Variants in PLEC observed in about 807,000 individuals in gnomAD.
PLEC encodes the protein plectin, also known as hemidesmosomal protein 1.
Under a neutral mutation model 392.8 loss-of-function variants are expected in PLEC, and 216 were observed. That is an observed-to-expected ratio of 0.55 (90% CI 0.49 to 0.62). The LOEUF (loss-of-function observed/expected upper bound fraction) is 0.62, where lower values mean the gene tolerates loss of function less well. Ranked by LOEUF, PLEC falls within the 20% of genes least tolerant of loss-of-function variation. PLEC has a pLI of 0.00. For synonymous variants in PLEC, 3,621 were observed against 2,980.6 expected, an observed-to-expected ratio of 1.21 and a Z score of -7.00; for missense variants, 6,863 against 6,563.4, an observed-to-expected ratio of 1.05 and a Z score of -1.58.
At position 143,969,719 on chromosome 8, in the gene PLEC, T is replaced by C. The variant is rs1486736974; in HGVS notation, c.70+3684A>G. ...CAGGGCATGAGTGCAGGCCGGGGAG[T>C]GGGGAGTGGGGCCAGCCGGGGGCCT... On this transcript the variant is annotated intron_variant, in intron 1 of 31. Transcript: ENST00000356346. This position sits in a 1 kb window ranked among gnomAD's most constrained non-coding sequence, Gnocchi z 5.1. Among the ~76,000 whole-genome samples, 5 of 141,130 alleles carry C rather than the reference T, an allele frequency of 3.5e-5. No homozygotes were observed. The highest frequency in any genetic ancestry group is 7.7e-5 in the Non-Finnish European group (5 of 64,820). 92.6% of individuals were successfully genotyped at this position (141,130 alleles called of 152,430 possible).
upstream of PLEC, chr8:143,953,882 A>G (rs1203206773): frequency 5.2e-6 from 8 of 1,529,382 alleles, no homozygotes; most frequent in South Asian, 9.9e-5. Flanking sequence ...GGTCCGGGGC[A>G]GGGCTTGCCG....
At position 143,918,696 on chromosome 8, in the gene PLEC, C is replaced by T; in HGVS notation, c.11125G>A (p.Ala3709Thr). 1 of 1,612,942 alleles carries T rather than the reference C, an allele frequency of 6.2e-7. No individual in the cohort carries two copies. Among genetic ancestry groups the T allele is most frequent in the Non-Finnish European group, 8.5e-7 (1 of 1,179,984 alleles). ...GSRQTLSIYQ[A>T]LKKGLLSAEV... ...GCACTCAGCAGCCCTTTCTTGAGAG[C>T]CTGGTAGATGCTCAGTGTCTGCCTG... The change falls in exon 32 of 32, where the codon GCT (alanine) becomes ACT (threonine). Residue 3709 changes from alanine (A) to threonine (T), a missense_variant. Coordinates refer to ENST00000345136, the MANE Select transcript of PLEC (RefSeq NM_201384.3).
upstream of PLEC, chr8:143,944,022 G>A: frequency 7.1e-7 from 1 of 1,402,358 alleles, no homozygotes; most frequent in Non-Finnish European, 9.6e-7. Flanking sequence ...CTGCCCGCAG[G>A]ACCGCCCCAT....
upstream of PLEC, chr8:143,943,668 C>G: frequency 9.6e-7 from 1 of 1,042,962 alleles, no homozygotes; most frequent in Non-Finnish European, 1.4e-6. Flanking sequence ...ACTGCTTTCA[C>G]TGACATTCAG....
rs782094803 is a variant in PLEC at position 143,932,616 on chromosome 8, T to G, written c.1815+19A>C. 1 of 1,610,832 alleles carries G rather than the reference T, an allele frequency of 6.2e-7. No individual in the cohort carries two copies. The highest frequency in any genetic ancestry group is 8.5e-7 in the Non-Finnish European group (1 of 1,179,164). ...CCGCGGGCTACCCACCTCCCCCGGCTGGCCCTGCCCCCACTCACCAGCAGC... is the reference window on the plus strand; with the variant it reads ...CCGCGGGCTACCCACCTCCCCCGGCGGGCCCTGCCCCCACTCACCAGCAGC... On this transcript the variant is annotated intron_variant, in intron 15 of 31. Transcript: ENST00000345136.
At chr8:143,958,352 G>C (rs1456894811), upstream of PLEC, among the ~76,000 whole-genome samples, 4 of 152,104 alleles carry the variant, frequency 2.6e-5, no homozygotes, top group African/African-American at 9.7e-5. This position sits in a 1 kb window ranked among gnomAD's most constrained non-coding sequence, Gnocchi z 4.9. Context: ...TCATCTCTCC[G>C]AGCCACATCC....
rs1417233277 is a variant in PLEC at position 143,920,297 on chromosome 8, C to G, written c.9524G>C (p.Arg3175Thr). Residue 3175 changes from arginine to threonine, a missense_variant, in exon 32 of 32, where the codon AGG (arginine) becomes ACG (threonine). Arg to Thr is a moderately conservative substitution (Grantham distance 71, BLOSUM62 -1). Transcript: ENST00000345136. ...GTCACTGTAGGCCTTGGCGTCGGCC[C>G]TTGGTGCCGACAGGGCCCTGCTGGT... is the stretch of plus-strand genomic sequence containing the variant. ...EETSRALSAP[R>T]ADAKAYSDPS... The G allele has an allele frequency of 6.3e-7, 1 of 1,590,886 alleles. No homozygotes were observed. The highest frequency in any genetic ancestry group is 8.5e-7 in the Non-Finnish European group (1 of 1,174,770).
chr8:143,933,649 C>T (rs1329967802), intron 12 of PLEC, among the ~76,000 whole-genome samples: 1 of 152,190 alleles, frequency 6.6e-6, no homozygotes, highest in Admixed American at 6.5e-5. Context: ...TCCTGTAATG[C>T]CACGTGGGCC....
chr8:143,975,062 G>T (rs1833610519), upstream of PLEC: 5 of 1,195,034 alleles, frequency 4.2e-6, no homozygotes, highest in Non-Finnish European at 6.0e-6. This position sits in a 1 kb window ranked among gnomAD's most constrained non-coding sequence, Gnocchi z 9.9. Flanking sequence ...TCCGTGACCC[G>T]CAGATCCCCC....
Position 143,926,984 on chromosome 8 carries a change from A to G in PLEC, c.3938T>C (p.Ile1313Thr), listed in dbSNP as rs1554706312. ...PKVQSGSESV[I>T]QEYVDLRTHY... Reference sequence around the variant, plus strand: ...GGTTCGGCCCCACCCTACCTCCTGGATGACACTCTCTGATCCCGACTGGAC... The same window carrying G: ...GGTTCGGCCCCACCCTACCTCCTGGGTGACACTCTCTGATCCCGACTGGAC... Residue 1313 changes from isoleucine to threonine, a missense_variant, in exon 29 of 32, where the codon ATC (isoleucine) becomes ACC (threonine). By Grantham distance (89) the Ile-to-Thr change is moderately conservative (BLOSUM62 -1). Transcript: ENST00000345136. 3 of 1,612,932 alleles carry G rather than the reference A, an allele frequency of 1.9e-6. No individual in the cohort carries two copies. Among genetic ancestry groups the G allele is most frequent in the Non-Finnish European group, 2.5e-6 (3 of 1,179,708 alleles).
chr8:143,968,733 AACAATC>A (rs1416525107), intron 1 of PLEC, among the ~76,000 whole-genome samples: 1 of 152,226 alleles, frequency 6.6e-6, no homozygotes, highest in Non-Finnish European at 1.5e-5. Flanking sequence ...AAAAATGGCC[AACAATC>A]ACACCAAAGT....
chr8:143,927,861 G>A lies in PLEC; in HGVS notation c.3392C>T (p.Ser1131Phe), dbSNP rs1257318291. ...CAAGCCTCGAAACGATACCTTCAGA[G>A]AGGCCTTGGTGGCCTCGAGCTCCGG... The part of the protein sequence containing the change: ...TLPELEATKA[S>F]LKKLRAQAEA... Residue 1131 changes from serine (S) to phenylalanine (F), a missense_variant, in exon 26 of 32, where the codon TCT becomes TTT. Transcript: ENST00000345136. 38 of 1,591,284 alleles carry A rather than the reference G, an allele frequency of 2.4e-5. No homozygotes were observed. Among genetic ancestry groups the A allele is most frequent in the Non-Finnish European group, 3.2e-5 (38 of 1,169,634 alleles).
At chr8:143,939,630 C>T (rs1688736086), upstream of PLEC, 11 of 1,431,838 alleles carry the variant, frequency 7.7e-6, no homozygotes, top group African/African-American at 1.4e-5. Flanking sequence ...CTGCTGTACT[C>T]CCCGGCGAGG....
intron 1 of PLEC, chr8:143,950,151 C>T: frequency 2.0e-6 from 3 of 1,471,958 alleles, no homozygotes; most frequent in Non-Finnish European, 2.7e-6. Context: ...CTACTTGCCA[C>T]CCATCATGAC....
rs939429310 is a variant in PLEC at position 143,939,479 on chromosome 8, G to T, written c.-18C>A. 1.9e-6 allele frequency: 3 copies of T among 1,604,946 alleles called. No homozygotes were observed. In the African/African-American group the frequency reaches 4.0e-5, roughly 21 times the overall value. On this transcript the variant is annotated 5_prime_UTR_variant, in exon 1 of 32. Transcript: ENST00000345136. Reference sequence around the variant, plus strand: ...TGAGACATGCTGCCCCCACACCTTCGTCGCCCGGACCCTCGGCCTCAGGCA... The same window carrying T: ...TGAGACATGCTGCCCCCACACCTTCTTCGCCCGGACCCTCGGCCTCAGGCA...
In PLEC at chr8:143,920,107, C is replaced by T. The variant is rs781935607; in HGVS notation, c.9714G>A (p.Pro3238=). ...TGAAGCCACCCACGGGGACCTCAAC[C>T]GGGGTCTTTTCAAAGGTCTCACGGG... The part of the protein sequence containing the change: ...LQARETFEKT[P]VEVPVGGFKG... The change falls in exon 32 of 32, where the codon CCG becomes CCA. Residue 3238 remains proline, a synonymous_variant. Transcript: ENST00000345136. 31 of 1,612,958 alleles carry T rather than the reference C, an allele frequency of 1.9e-5. No individual in the cohort carries two copies. Among genetic ancestry groups the T allele is most frequent in the Middle Eastern group, 3.3e-4 (2 of 6,084 alleles).
rs1412489464 is a variant in PLEC at position 143,924,160 on chromosome 8, C to A, written c.5769G>T (p.Val1923=). 6.3e-7 allele frequency: 1 copy of A among 1,599,042 alleles called. No individual in the cohort carries two copies. The highest frequency in any genetic ancestry group is 8.5e-7 in the Non-Finnish European group (1 of 1,179,532). The change falls in exon 31 of 32, where the codon GTG becomes GTT. Residue 1923 remains valine, a synonymous_variant. Transcript: ENST00000345136. The part of the protein sequence containing the change: ...VEDTLRQRRQ[V]EEEILALKAS... ...CCTTCAGCGCCAGGATCTCCTCCTC[C>A]ACCTGCCGCCGCTGCCTCAGCGTGT...
rs1554668055 is a variant in PLEC, at chr8:143,916,150, T to C, written c.*27A>G. The C allele has an allele frequency of 2.0e-6, 3 of 1,503,182 alleles. No individual in the cohort carries two copies. The highest frequency in any genetic ancestry group is 2.7e-6 in the Non-Finnish European group (3 of 1,127,036). 93.1% of individuals were successfully genotyped at this position (1,503,182 alleles called of 1,614,324 possible). On this transcript the variant is annotated 3_prime_UTR_variant, in exon 32 of 32. Coordinates refer to ENST00000345136, the MANE Select transcript of PLEC (RefSeq NM_201384.3). ...TCGGTGGGAGCCGGGCTGGGCCGCATGCAGAGCGGGGTGGGCGCAGGCAGC... is the reference window on the plus strand; with the variant it reads ...TCGGTGGGAGCCGGGCTGGGCCGCACGCAGAGCGGGGTGGGCGCAGGCAGC...
upstream of PLEC, chr8:143,943,969 C>G: frequency 6.4e-7 from 1 of 1,553,370 alleles, no homozygotes; most frequent in East Asian, 2.4e-5. Flanking sequence ...CCCCTCCCTG[C>G]GTGCAGGGCG....
Sources: allele counts gnomAD v4.1 joint callset (sites outside exome capture counted in the v4.1 genomes callset), GRCh38; gene constraint gnomAD v4.1.1; non-coding constraint Gnocchi (gnomAD v3.1); transcripts MANE v1.5; gene names NCBI Gene and HGNC (gene_info 2026-07-23, HGNC 2026-07-21).